CAMK1D: variants seen among roughly 807,000 people sequenced by gnomAD.
CAMK1D encodes calcium/calmodulin dependent protein kinase ID, also known as calcium/calmodulin-dependent protein kinase type 1D.
In CAMK1D, 9 loss-of-function variants were observed where a neutral mutation model predicts 47.7. The ratio of observed to expected loss-of-function variants is 0.19; its 90% CI spans 0.11 to 0.33. The LOEUF is 0.33. CAMK1D is among the 10% of genes least tolerant of loss of function. The pLI, the probability that CAMK1D is intolerant of heterozygous loss-of-function variation, is 1.00. For missense variants in CAMK1D, 291 were observed against 488.7 expected (o/e 0.60, Z 3.81); for synonymous variants, 184 against 184.9 (o/e 0.99, Z 0.04).
chr10:12,732,230 G>T (rs1488729640), intron 3 of CAMK1D, among the ~76,000 whole-genome samples: 2 of 152,136 alleles, frequency 1.3e-5, no homozygotes, highest in Non-Finnish European at 2.9e-5. Flanking sequence ...AACAGAGAAA[G>T]ACTCTGTCTA....
At position 12,789,285 on chromosome 10, in the gene CAMK1D, C is replaced by T. The variant is rs181043538; in HGVS notation, c.566-1873C>T. ...ATTTTATGTGAGGCCCAAGACAATT[C>T]TTCTTCTTCCACTGTGGCCCAGGGA... On this transcript the variant is annotated intron_variant, in intron 5 of 10. Coordinates refer to ENST00000619168, the MANE Select transcript of CAMK1D (RefSeq NM_153498.4). Among the ~76,000 whole-genome samples the T allele has an allele frequency of 4.6e-5, 6 of 131,772 alleles. No individual in the cohort carries two copies. The East Asian group carries it at 5.8e-4, about 13-fold the overall frequency. 86.4% of individuals were successfully genotyped at this position (131,772 alleles called of 152,430 possible).
At chr10:12,451,170 G>C (rs1188284367) in intron 1 of CAMK1D, among the ~76,000 whole-genome samples, 1 of 152,146 alleles carries the variant, frequency 6.6e-6, no homozygotes, top group East Asian at 1.9e-4. Flanking sequence ...GGAGGACTGG[G>C]GCATGTTTTA....
intron 3 of CAMK1D, among the ~76,000 whole-genome samples, chr10:12,701,142 T>C (rs1833502889): frequency 6.6e-6 from 1 of 151,918 alleles, no homozygotes; most frequent in Non-Finnish European, 1.5e-5. Context: ...AGATGGAATT[T>C]ACTCTTGTCA....
chr10:12,620,204 A>AT (rs1588697771), intron 2 of CAMK1D, among the ~76,000 whole-genome samples: 1 of 149,708 alleles, frequency 6.7e-6, no homozygotes, highest in East Asian at 1.9e-4. Context: ...AAAAAAAAAA[A>AT]AAAAAAAAAA....
At chr10:12,811,714 G>A (rs1832615675) in intron 6 of CAMK1D, among the ~76,000 whole-genome samples, 1 of 152,142 alleles carries the variant, frequency 6.6e-6, no homozygotes, top group Non-Finnish European at 1.5e-5. Context: ...AAACCCTAAA[G>A]AAAAACACAC....
At chr10:12,827,982 C>T (rs1833317456) in intron 10 of CAMK1D, among the ~76,000 whole-genome samples, 1 of 152,208 alleles carries the variant, frequency 6.6e-6, no homozygotes, top group Non-Finnish European at 1.5e-5. Flanking sequence ...ACCCTTATTT[C>T]AAAGTGCTCT....
intron 1 of CAMK1D, among the ~76,000 whole-genome samples, chr10:12,522,113 G>A (rs1362222913): frequency 1.3e-5 from 2 of 149,500 alleles, no homozygotes; most frequent in Non-Finnish European, 3.0e-5. Context: ...TTTATTATTT[G>A]CTTTGCGTTG....
intron 1 of CAMK1D, among the ~76,000 whole-genome samples, chr10:12,356,216 C>T (rs1054685772): frequency 5.9e-5 from 9 of 152,002 alleles, no homozygotes; most frequent in Non-Finnish European, 1.5e-5. Context: ...TGGCCGAATT[C>T]CGGATGTGTT....
chr10:12,590,320 C>A (rs193233343), intron 2 of CAMK1D, among the ~76,000 whole-genome samples: 2 of 152,090 alleles, frequency 1.3e-5, no homozygotes, highest in African/African-American at 4.8e-5. Context: ...TGGGCTCAAG[C>A]GATCCTCCTA....
chr10:12,573,831 C>CTTT (rs34038018), intron 2 of CAMK1D, among the ~76,000 whole-genome samples: 3,412 of 63,768 alleles, frequency 0.054, 537 homozygotes, highest in South Asian at 0.083. Context: ...ATTAAAAAAA[C>CTTT]TTTTTTTTTT....
intron 3 of CAMK1D, among the ~76,000 whole-genome samples, chr10:12,731,075 G>A (rs1834861382): frequency 1.3e-5 from 2 of 152,130 alleles, no homozygotes; most frequent in Non-Finnish European, 2.9e-5. Flanking sequence ...GGTTTGGTTC[G>A]TTTTAATGAG....
intron 1 of CAMK1D, among the ~76,000 whole-genome samples, chr10:12,455,044 C>T (rs1006722521): frequency 1.3e-5 from 2 of 152,216 alleles, no homozygotes; most frequent in Non-Finnish European, 2.9e-5. Context: ...TTACTGTGTG[C>T]TCTGAGTGCC....
chr10:12,554,397 C>T lies in CAMK1D; in HGVS notation c.224+1041C>T, dbSNP rs1177115731. ...CTTGAACTCCTGACCTCAGGTGATC[C>T]GCCCGCCTTGGCCTCCCAAAGTGCT... On this transcript the variant is annotated intron_variant, in intron 2 of 10. Transcript: ENST00000619168. Among the ~76,000 whole-genome samples the T allele has an allele frequency of 2.3e-5, 3 of 130,822 alleles. 1 individual carries two copies. Among genetic ancestry groups the T allele is most frequent in the African/African-American group, 5.1e-5 (2 of 39,190 alleles). The allele number at this position is 130,822 out of a possible 152,430, so 85.8% of individuals were successfully genotyped here. A position where few individuals can be genotyped will look rare whatever the true frequency, so the allele number is the denominator to read the frequency against.
intron 2 of CAMK1D, among the ~76,000 whole-genome samples, chr10:12,647,384 A>G (rs1018106034): frequency 2.6e-5 from 4 of 151,436 alleles, no homozygotes; most frequent in African/African-American, 7.3e-5. Context: ...CTTGACCTCA[A>G]GTGACCCACG....
At chr10:12,535,958 T>C (rs1380926449) in intron 1 of CAMK1D, among the ~76,000 whole-genome samples, 1 of 152,158 alleles carries the variant, frequency 6.6e-6, no homozygotes, top group Non-Finnish European at 1.5e-5. Flanking sequence ...GGCTTAACAG[T>C]GTGGCTGTTA....
intron 4 of CAMK1D, among the ~76,000 whole-genome samples, chr10:12,762,626 G>C (rs950093860): frequency 6.6e-6 from 1 of 152,218 alleles, no homozygotes. Context: ...GTCTGCCCGT[G>C]ATGAGGATGC....
At chr10:12,742,544 G>A (rs77339691) in intron 3 of CAMK1D, among the ~76,000 whole-genome samples, 5,099 of 152,228 alleles carry the variant, frequency 0.033, 302 homozygotes, top group African/African-American at 0.12. Context: ...GTTTCAGAAC[G>A]TTTTCATCAC....
intron 1 of CAMK1D, among the ~76,000 whole-genome samples, chr10:12,479,354 G>A (rs184817509): frequency 1.3e-3 from 204 of 152,116 alleles, no homozygotes; most frequent in Admixed American, 0.01. Flanking sequence ...GCACCACCAC[G>A]CCTGGCTAAT....
At chr10:12,453,468 A>G (rs996103082) in intron 1 of CAMK1D, among the ~76,000 whole-genome samples, 5 of 152,172 alleles carry the variant, frequency 3.3e-5, no homozygotes, top group African/African-American at 7.2e-5. Flanking sequence ...GATTACAGGT[A>G]TGAGCCACTG....
Sources: allele counts gnomAD v4.1 joint callset (sites outside exome capture counted in the v4.1 genomes callset), GRCh38; gene constraint gnomAD v4.1.1; transcripts MANE v1.5; gene names NCBI Gene and HGNC (gene_info 2026-07-23, HGNC 2026-07-21).